UBE2H: variants seen among roughly 807,000 people sequenced by gnomAD.
UBE2H encodes ubiquitin conjugating enzyme E2 H, also known as ubiquitin-conjugating enzyme E2 H.
Under a neutral mutation model 29.0 loss-of-function variants are expected in UBE2H, and 3 were observed. The observed-to-expected ratio is 0.10, with a 90% CI of 0.05 to 0.27. The LOEUF (loss-of-function observed/expected upper bound fraction) is 0.27. Among genes scored for constraint, UBE2H ranks in the 10% least tolerant of loss-of-function variants. The pLI is 1.00. For synonymous variants in UBE2H, 69 were observed against 82.9 expected (o/e 0.83, Z 0.91); for missense variants, 68 against 228.2 (o/e 0.30, Z 4.52).
rs541486041 is a variant in UBE2H at position 129,934,909 on chromosome 7, ATG to A, written c.53+17592_53+17593del. Among the ~76,000 whole-genome samples, 63 of 141,914 alleles carry A rather than the reference ATG, an allele frequency of 4.4e-4. 3 individuals are homozygous for A. The South Asian group carries it at 0.014, about 32-fold the overall frequency. The allele number at this position is 141,914 out of a possible 152,430, so 93.1% of individuals were successfully genotyped here. A position where few individuals can be genotyped will look rare whatever the true frequency, so the allele number is the denominator to read the frequency against. On this transcript the variant is annotated intron_variant, in intron 1 of 6. Transcript: ENST00000355621. ...CCCCATTTCTACAAAAAGTATATAT[ATG>A]TGTGTGTGTATATATATGTGTATAT...
intron 1 of UBE2H, among the ~76,000 whole-genome samples, chr7:129,934,216 G>A (rs1807468195): frequency 6.6e-6 from 1 of 152,148 alleles, no homozygotes. Context: ...TAGCTACTCA[G>A]GAGGCTGAGG....
intron 3 of UBE2H, among the ~76,000 whole-genome samples, chr7:129,867,699 T>TAAAAAAAAAGAAAAAAAA (rs1805933713): frequency 3.4e-5 from 1 of 29,644 alleles, no homozygotes; most frequent in Non-Finnish European, 5.8e-5. Context: ...TAGAGTATAA[T>TAAAAAAAAAGAAAAAAAA]AAAAAAAAAA....
intron 1 of UBE2H, among the ~76,000 whole-genome samples, chr7:129,905,803 T>C (rs1475987060): frequency 5.3e-5 from 8 of 152,052 alleles, no homozygotes; most frequent in Admixed American, 1.3e-4. Flanking sequence ...GCCTAAGACT[T>C]ACAGAGAGGC....
chr7:129,832,123 T>C lies in UBE2H; in HGVS notation c.*2814A>G, dbSNP rs1203308445. 1 of 152,282 alleles carries C rather than the reference T, an allele frequency of 6.6e-6. No individual in the cohort carries two copies. The highest frequency in any genetic ancestry group is 6.5e-5 in the Admixed American group (1 of 15,286). The allele number at this position is 152,282 out of a possible 1,614,324, so 9.4% of individuals were successfully genotyped here. On this transcript the variant is annotated 3_prime_UTR_variant, in exon 7 of 7. Transcript: ENST00000355621. ...TCCAGACTTACGCTACCATCTATTG[T>C]TGGGGGCCCAGAGTCCTTGGATTCA...
At chr7:129,856,850 G>T (rs1482215317) in intron 5 of UBE2H, 6 of 152,138 alleles carry the variant, frequency 3.9e-5, no homozygotes, top group Admixed American at 2.0e-4. Flanking sequence ...TCTGCAGGTG[G>T]TCTGGGAACT....
intron 1 of UBE2H, among the ~76,000 whole-genome samples, chr7:129,883,628 G>C (rs1806298470): frequency 6.6e-6 from 1 of 152,220 alleles, no homozygotes; most frequent in African/African-American, 2.4e-5. Flanking sequence ...GATCACTTGA[G>C]ATCAGGAGTT....
At chr7:129,916,641 G>A (rs901190513) in intron 1 of UBE2H, among the ~76,000 whole-genome samples, 2 of 152,112 alleles carry the variant, frequency 1.3e-5, no homozygotes, top group Non-Finnish European at 2.9e-5. Flanking sequence ...AATAGAAATA[G>A]ACGCAAAGCC....
intron 1 of UBE2H, among the ~76,000 whole-genome samples, chr7:129,931,928 G>A (rs909655175): frequency 1.2e-4 from 17 of 147,352 alleles, no homozygotes; most frequent in South Asian, 6.5e-4. Flanking sequence ...AGGTTTAAGC[G>A]ATTCTACTCC....
chr7:129,835,681 G>A (rs1805311865), intron 6 of UBE2H, among the ~76,000 whole-genome samples: 1 of 152,140 alleles, frequency 6.6e-6, no homozygotes, highest in South Asian at 2.1e-4. Context: ...CAGCCTTGGT[G>A]GAACCCTAGG....
intron 1 of UBE2H, among the ~76,000 whole-genome samples, chr7:129,946,731 A>G (rs1807774092): frequency 6.6e-6 from 1 of 152,198 alleles, no homozygotes; most frequent in African/African-American, 2.4e-5. Context: ...AAGTTTGAGA[A>G]CTACTGTTTA....
intron 1 of UBE2H, among the ~76,000 whole-genome samples, chr7:129,944,966 GAACTAAAT>G (rs1031043937): frequency 2.0e-5 from 3 of 151,802 alleles, no homozygotes; most frequent in Non-Finnish European, 4.4e-5. Context: ...AAAAAAAAAT[GAACTAAAT>G]AACATGGGTG....
intron 1 of UBE2H, among the ~76,000 whole-genome samples, chr7:129,901,939 G>A (rs1387957309): frequency 1.3e-5 from 2 of 152,166 alleles, no homozygotes; most frequent in Non-Finnish European, 2.9e-5. Context: ...AGGAGTAGCA[G>A]AAGCAAGTTT....
At chr7:129,910,333 AAAAAAC>A (rs529738351) in intron 1 of UBE2H, among the ~76,000 whole-genome samples, 121 of 152,054 alleles carry the variant, frequency 8.0e-4, no homozygotes, top group African/African-American at 2.5e-3. Context: ...TATCTCAAAA[AAAAAAC>A]AAAAACAAAA....
At chr7:129,878,639 T>G (rs1476387814) in intron 3 of UBE2H, among the ~76,000 whole-genome samples, 1 of 126,360 alleles carries the variant, frequency 7.9e-6, no homozygotes, top group Non-Finnish European at 1.6e-5. Flanking sequence ...GTCGAGATCG[T>G]GCCACTGCAC....
chr7:129,923,264 A>G (rs1448255655), intron 1 of UBE2H, among the ~76,000 whole-genome samples: 1 of 152,156 alleles, frequency 6.6e-6, no homozygotes, highest in Non-Finnish European at 1.5e-5. Flanking sequence ...CTAACTTCCA[A>G]AATAAAATAA....
chr7:129,862,157 G>T (rs557083980), intron 3 of UBE2H, among the ~76,000 whole-genome samples: 1 of 152,150 alleles, frequency 6.6e-6, no homozygotes, highest in South Asian at 2.1e-4. Flanking sequence ...TCTGATGAGT[G>T]GGGAACAATG....
At chr7:129,886,795 A>T (rs1484755473) in intron 1 of UBE2H, among the ~76,000 whole-genome samples, 1 of 142,392 alleles carries the variant, frequency 7.0e-6, no homozygotes, top group East Asian at 2.1e-4. Context: ...AAAAAAAAAG[A>T]TATGTCTGTT....
intron 5 of UBE2H, among the ~76,000 whole-genome samples, chr7:129,841,906 A>AT (rs754195158): frequency 1.3e-5 from 2 of 152,196 alleles, no homozygotes; most frequent in Non-Finnish European, 1.5e-5. Context: ...TTTATCTACA[A>AT]TTTTTTTAAA....
At chr7:129,900,488 T>C (rs1364800513) in intron 1 of UBE2H, among the ~76,000 whole-genome samples, 2 of 152,196 alleles carry the variant, frequency 1.3e-5, no homozygotes, top group African/African-American at 4.8e-5. Flanking sequence ...TCGAATATTA[T>C]CAAATGACTT....
Sources: gnomAD v4.1 joint callset for allele counts (sites outside exome capture counted in the v4.1 genomes callset) on GRCh38, gnomAD v4.1.1 for gene constraint, MANE v1.5 for transcripts, NCBI Gene and HGNC (gene_info 2026-07-23, HGNC 2026-07-21) for gene names.